Variants in ZNRF3 observed in about 807,000 individuals in gnomAD.
ZNRF3 encodes the protein zinc and ring finger 3, also known as E3 ubiquitin-protein ligase ZNRF3.
A neutral mutation model predicts 72.5 loss-of-function variants in ZNRF3; 23 were observed. The ratio of observed to expected loss-of-function variants is 0.32; its 90% CI spans 0.23 to 0.45. ZNRF3 has a LOEUF of 0.45. ZNRF3 is among the 20% of genes least tolerant of loss of function. The probability of loss-of-function intolerance (pLI) is 1.00; values close to 1 mark genes in which losing one functional copy is unlikely to be tolerated. For synonymous variants in ZNRF3, 610 were observed against 545.3 expected (o/e 1.12, Z -1.65); for missense variants, 1,169 against 1,272.1 (o/e 0.92, Z 1.23).
intron 2 of ZNRF3, among the ~76,000 whole-genome samples, chr22:29,007,477 A>T (rs932249155): frequency 2.0e-4 from 30 of 146,834 alleles, no homozygotes; most frequent in Admixed American, 1.6e-3. Context: ...ATCTCTACAA[A>T]TTTTTTTTTT....
chr22:29,007,820 G>A (rs1464068054), intron 2 of ZNRF3, among the ~76,000 whole-genome samples: 2 of 138,302 alleles, frequency 1.4e-5, no homozygotes, highest in African/African-American at 5.6e-5. Context: ...GCAATGGTGC[G>A]ATCTCGGCTC....
chr22:29,012,655 G>A (rs1413380119), intron 2 of ZNRF3, among the ~76,000 whole-genome samples: 3 of 152,168 alleles, frequency 2.0e-5, no homozygotes, highest in Non-Finnish European at 4.4e-5. Context: ...GGCCCCCATC[G>A]AGGGCCGTTA....
intron 1 of ZNRF3, among the ~76,000 whole-genome samples, chr22:28,938,911 C>T (rs74790066): frequency 0.022 from 3,392 of 152,158 alleles, 82 homozygotes; most frequent in African/African-American, 0.051. Flanking sequence ...CAATCAGACC[C>T]GAGTTCTAAT....
intron 1 of ZNRF3, among the ~76,000 whole-genome samples, chr22:28,959,445 C>T (rs540745303): frequency 2.0e-5 from 3 of 152,336 alleles, no homozygotes; most frequent in African/African-American, 7.2e-5. Flanking sequence ...TAAGAAGTTA[C>T]TCATTCACCA....
chr22:28,987,333 A>T (rs1240704506), intron 2 of ZNRF3, 132 bp downstream of exon 2: 3 of 1,385,598 alleles, frequency 2.2e-6, no homozygotes, highest in East Asian at 2.5e-5. Context: ...CTGAAGTTGC[A>T]TGAGGTGGGG....
Position 28,936,884 on chromosome 22 carries a change from G to A in ZNRF3, c.301-50192G>A, listed in dbSNP as rs147340424. ...CAAGGAGTCTCAGAATGTAGTAGGA[G>A]GGGAAGAAGCTGGGGATTATATATC... On this transcript the variant is annotated intron_variant, in intron 1 of 8. Transcript: ENST00000544604. Among the ~76,000 whole-genome samples, 463 of 152,196 alleles carry A rather than the reference G, an allele frequency of 3.0e-3. 6 individuals carry two copies. Among genetic ancestry groups the A allele is most frequent in the African/African-American group, 0.01 (432 of 41,488 alleles).
At chr22:28,900,813 T>C (rs2034087799) in intron 1 of ZNRF3, among the ~76,000 whole-genome samples, 1 of 152,174 alleles carries the variant, frequency 6.6e-6, no homozygotes, top group Admixed American at 6.5e-5. Context: ...TTTCAATCTA[T>C]TTAACATTTT....
chr22:29,012,705 T>C (rs928139915), intron 2 of ZNRF3, among the ~76,000 whole-genome samples: 1 of 152,224 alleles, frequency 6.6e-6, no homozygotes, highest in Non-Finnish European at 1.5e-5. Context: ...AGGATGCTTG[T>C]GTCTAAGTGA....
intron 1 of ZNRF3, among the ~76,000 whole-genome samples, chr22:28,948,878 C>G (rs939725861): frequency 1.3e-5 from 2 of 152,182 alleles, no homozygotes; most frequent in African/African-American, 4.8e-5. Context: ...GTATTATCAT[C>G]TCATGCATTG....
intron 1 of ZNRF3, among the ~76,000 whole-genome samples, chr22:28,955,757 A>C (rs919590070): frequency 3.0e-5 from 4 of 133,320 alleles, no homozygotes; most frequent in South Asian, 2.3e-4. Context: ...TGTCTCTATT[A>C]AAAAAAAAAA....
intron 2 of ZNRF3, among the ~76,000 whole-genome samples, chr22:29,017,131 C>T (rs1246541581): frequency 2.0e-5 from 3 of 152,206 alleles, no homozygotes; most frequent in Non-Finnish European, 4.4e-5. Flanking sequence ...GCATTAGCCA[C>T]ACAGGGTACA....
intron 4 of ZNRF3, among the ~76,000 whole-genome samples, chr22:29,043,802 A>G (rs888028894): frequency 3.3e-5 from 5 of 152,242 alleles, no homozygotes; most frequent in African/African-American, 9.6e-5. Flanking sequence ...TCCTTCTTCT[A>G]TCTGGCTTAG....
rs143836351 is a variant in ZNRF3, at chr22:29,012,384, C to T, written c.426+25183C>T. ...TCAAAACATCCAGAAGTATCACATA[C>T]GTGGAGAACCTGCCCACGCCAGTGT... On this transcript the variant is annotated intron_variant, in intron 2 of 8. Transcript: ENST00000544604. Among the ~76,000 whole-genome samples, 364 of 152,326 alleles carry T rather than the reference C, an allele frequency of 2.4e-3. 2 individuals are homozygous for T. Among genetic ancestry groups the T allele is most frequent in the South Asian group, 0.013 (61 of 4,832 alleles).
intron 2 of ZNRF3, among the ~76,000 whole-genome samples, chr22:29,001,599 G>A (rs2036149564): frequency 2.6e-5 from 4 of 151,752 alleles, no homozygotes. Context: ...AGCCTTCCGA[G>A]TAGCTGGGAT....
chr22:28,989,896 A>G (rs756509578), intron 2 of ZNRF3, among the ~76,000 whole-genome samples: 3 of 152,248 alleles, frequency 2.0e-5, no homozygotes, highest in Non-Finnish European at 4.4e-5. Flanking sequence ...AGTTCAAATA[A>G]AATTTCATTT....
At chr22:28,916,297 C>A (rs1312092974) in intron 1 of ZNRF3, among the ~76,000 whole-genome samples, 3 of 152,104 alleles carry the variant, frequency 2.0e-5, no homozygotes, top group Non-Finnish European at 4.4e-5. Flanking sequence ...CTCTTAGACT[C>A]AAGGGATCAG....
intron 2 of ZNRF3, chr22:29,031,449 T>C (rs1198918096): frequency 6.9e-6 from 2 of 291,960 alleles, no homozygotes; most frequent in Non-Finnish European, 1.0e-5. Context: ...AAAGTTTCTG[T>C]CGGAAAACAG....
At chr22:28,887,399 T>A (rs1315558991) in intron 1 of ZNRF3, among the ~76,000 whole-genome samples, 1 of 151,918 alleles carries the variant, frequency 6.6e-6, no homozygotes, top group Non-Finnish European at 1.5e-5. Context: ...TGTGTCAGTT[T>A]GTCAGTGTCA....
At chr22:28,996,039 G>A (rs2036040130) in intron 2 of ZNRF3, among the ~76,000 whole-genome samples, 1 of 152,238 alleles carries the variant, frequency 6.6e-6, no homozygotes, top group Non-Finnish European at 1.5e-5. Flanking sequence ...GCCTCCCAAA[G>A]TGCTGGGATT....
Sources: gnomAD v4.1 joint callset for allele counts (sites outside exome capture counted in the v4.1 genomes callset) on GRCh38, gnomAD v4.1.1 for gene constraint, MANE v1.5 for transcripts, NCBI Gene and HGNC (gene_info 2026-07-23, HGNC 2026-07-21) for gene names.